Variants in SCFD2 observed in about 807,000 individuals in gnomAD.
The protein encoded by SCFD2 is sec1 family domain-containing protein 2.
SCFD2 carries 54 observed loss-of-function variants against 58.9 expected under a neutral mutation model. That is an observed-to-expected ratio of 0.92 (90% CI 0.74 to 1.15). The LOEUF (loss-of-function observed/expected upper bound fraction) is 1.15. Ranked by LOEUF, SCFD2 falls within the 50% of genes most tolerant of loss-of-function variation. The pLI is 0.00. For missense variants in SCFD2, 805 were observed against 836.6 expected, an observed-to-expected ratio of 0.96 and a Z score of 0.47; for synonymous variants, 321 against 335.9, an observed-to-expected ratio of 0.96 and a Z score of 0.49.
intron 5 of SCFD2, among the ~76,000 whole-genome samples, chr4:53,138,872 CT>C (rs1363198320): frequency 2.0e-5 from 3 of 150,270 alleles, no homozygotes; most frequent in Non-Finnish European, 3.0e-5. Flanking sequence ...CCCCCTCCCC[CT>C]CCCTCTCGTC....
chr4:53,356,731 CTTTTTT>C (rs369411706), intron 1 of SCFD2, among the ~76,000 whole-genome samples: 1 of 112,896 alleles, frequency 8.9e-6, no homozygotes, highest in Admixed American at 9.8e-5. Context: ...AACTTGTAGA[CTTTTTT>C]TTTTTTTTTT....
chr4:53,360,572 C>T (rs1286737757), intron 1 of SCFD2, among the ~76,000 whole-genome samples: 2 of 152,206 alleles, frequency 1.3e-5, no homozygotes, highest in African/African-American at 4.8e-5. Context: ...CCTACCAGGC[C>T]ATTGCTGCTG....
At chr4:53,092,769 T>G (rs1175969025) in intron 5 of SCFD2, among the ~76,000 whole-genome samples, 1 of 151,942 alleles carries the variant, frequency 6.6e-6, no homozygotes, top group African/African-American at 2.4e-5. Flanking sequence ...GACAAAATTA[T>G]TAAGAGAGAA....
intron 2 of SCFD2, among the ~76,000 whole-genome samples, chr4:53,333,901 CAAG>C (rs1458026342): frequency 7.2e-6 from 1 of 139,770 alleles, no homozygotes; most frequent in African/African-American, 2.7e-5. Flanking sequence ...AACAAATTTA[CAAG>C]AAAAAAACAA....
rs1322391040 is a variant in SCFD2 at position 52,956,353 on chromosome 4, C to CT, written c.1562-35484dup. 1.5e-5 allele frequency: 6 copies of CT among 387,674 alleles called. No homozygotes were observed. In the East Asian group the frequency reaches 4.4e-4, roughly 28 times the overall value. 24.0% of individuals were successfully genotyped at this position (387,674 alleles called of 1,614,324 possible). ...GTCAAGGGGACTATGTTAGATAGGG[C>CT]TTTTTATGGCAAGTGACAGAAATCC... On this transcript the variant is annotated intron_variant, in intron 5 of 8. Coordinates refer to ENST00000401642, the MANE Select transcript of SCFD2 (RefSeq NM_152540.4).
intron 4 of SCFD2, among the ~76,000 whole-genome samples, chr4:53,236,405 T>C (rs899054811): frequency 1.9e-4 from 29 of 150,776 alleles, no homozygotes; most frequent in Non-Finnish European, 3.7e-4. Flanking sequence ...TGTGTGTATA[T>C]ATATATGATA....
At chr4:53,185,124 T>TG (rs1727700065) in intron 4 of SCFD2, among the ~76,000 whole-genome samples, 1 of 152,116 alleles carries the variant, frequency 6.6e-6, no homozygotes, top group South Asian at 2.1e-4. Flanking sequence ...CAGTGGAACC[T>TG]GCAATCCAAA....
At chr4:53,161,328 T>A (rs1407342346) in intron 4 of SCFD2, among the ~76,000 whole-genome samples, 1 of 152,232 alleles carries the variant, frequency 6.6e-6, no homozygotes, top group African/African-American at 2.4e-5. Flanking sequence ...ACCAGCCATA[T>A]TTCCTGAGTC....
Position 53,352,492 on chromosome 4 carries a change from A to C in SCFD2, c.1007+106T>G, listed in dbSNP as rs1440479749. 117 of 925,160 alleles carry C rather than the reference A, an allele frequency of 1.3e-4. 1 individual carries two copies. 57.3% of individuals were successfully genotyped at this position (925,160 alleles called of 1,614,324 possible). A position where few individuals can be genotyped will look rare whatever the true frequency, so the allele number is the denominator to read the frequency against. ...AATGCTACCCACTGTGAAATTTTCA[A>C]CCAGACCAATTCTTCATTGCTTTTT... is the stretch of plus-strand genomic sequence containing the variant. On this transcript the variant is annotated intron_variant, in intron 2 of 8. Coordinates refer to ENST00000401642, the MANE Select transcript of SCFD2 (RefSeq NM_152540.4).
chr4:52,900,123 A>T (rs959115946), intron 7 of SCFD2, among the ~76,000 whole-genome samples: 2 of 151,892 alleles, frequency 1.3e-5, no homozygotes, highest in Admixed American at 6.6e-5. Flanking sequence ...GAGTAGTTTG[A>T]TCTTCTGCAG....
intron 5 of SCFD2, among the ~76,000 whole-genome samples, chr4:53,112,976 T>C (rs1005937379): frequency 7.2e-5 from 11 of 152,072 alleles, no homozygotes. Flanking sequence ...GATTCCCTCT[T>C]AAGGTCTCTT....
chr4:53,335,900 A>T, intron 2 of SCFD2, among the ~76,000 whole-genome samples: 1 of 152,218 alleles, frequency 6.6e-6, no homozygotes. Context: ...GGTAAAAATT[A>T]TGCGGGGTAT....
chr4:53,108,930 C>T (rs1227481361), intron 5 of SCFD2, among the ~76,000 whole-genome samples: 1 of 152,114 alleles, frequency 6.6e-6, no homozygotes, highest in Non-Finnish European at 1.5e-5. Context: ...AAAGTTCAGG[C>T]CAATATCCCT....
intron 5 of SCFD2, among the ~76,000 whole-genome samples, chr4:52,974,074 G>A (rs899391447): frequency 3.9e-5 from 6 of 151,918 alleles, no homozygotes; most frequent in Non-Finnish European, 8.8e-5. Flanking sequence ...TACTGAATAG[G>A]CAAAAACTGG....
chr4:53,329,386 A>C (rs1311204527), intron 2 of SCFD2, among the ~76,000 whole-genome samples: 1 of 150,594 alleles, frequency 6.6e-6, no homozygotes, highest in African/African-American at 2.5e-5. Context: ...CCCAGCACGC[A>C]GCTGGAGATC....
intron 5 of SCFD2, among the ~76,000 whole-genome samples, chr4:52,999,690 A>G (rs1032046577): frequency 6.6e-6 from 1 of 152,208 alleles, no homozygotes; most frequent in African/African-American, 2.4e-5. Flanking sequence ...CGTCCATTTG[A>G]CTATGAGCTT....
intron 5 of SCFD2, among the ~76,000 whole-genome samples, chr4:53,018,629 G>A (rs544236185): frequency 5.3e-5 from 8 of 152,242 alleles, no homozygotes; most frequent in South Asian, 2.1e-4. Flanking sequence ...CAATTTTCAC[G>A]CTTGGAGTTT....
intron 5 of SCFD2, among the ~76,000 whole-genome samples, chr4:53,091,475 A>G (rs937879034): frequency 2.0e-5 from 3 of 152,148 alleles, no homozygotes; most frequent in Non-Finnish European, 4.4e-5. Flanking sequence ...TCATTTGAGT[A>G]TATATTGTCT....
chr4:52,999,073 A>G (rs971682739), intron 5 of SCFD2, among the ~76,000 whole-genome samples: 2 of 152,196 alleles, frequency 1.3e-5, no homozygotes, highest in South Asian at 2.1e-4. Context: ...CATGGAGTTG[A>G]CTTTTAAAGA....
Sources: gnomAD v4.1 joint callset for allele counts (sites outside exome capture counted in the v4.1 genomes callset) on GRCh38, gnomAD v4.1.1 for gene constraint, MANE v1.5 for transcripts, NCBI Gene and HGNC (gene_info 2026-07-23, HGNC 2026-07-21) for gene names.